The following RBFOX1 variants were observed in gnomAD, a reference collection of about 807,000 sequenced individuals.
RBFOX1 encodes the protein RNA binding protein fox-1 homolog 1.
RBFOX1 carries 8 observed loss-of-function variants against 57.7 expected under a neutral mutation model. The observed-to-expected ratio is 0.14, with a 90% CI of 0.08 to 0.25. The LOEUF is 0.25. Ranked by LOEUF, RBFOX1 falls within the 10% of genes least tolerant of loss-of-function variation. The probability of loss-of-function intolerance (pLI) is 1.00; values close to 1 mark genes in which losing one functional copy is unlikely to be tolerated. For synonymous variants in RBFOX1, 326 were observed against 222.4 expected (o/e 1.47, Z -4.15); for missense variants, 611 against 548.5 (o/e 1.11, Z -1.14).
chr16:5,296,770 C>G (rs1249590246), intron 1 of RBFOX1, among the ~76,000 whole-genome samples: 1 of 151,762 alleles, frequency 6.6e-6, no homozygotes, highest in Non-Finnish European at 1.5e-5. Flanking sequence ...CCTCTGCCTC[C>G]TGGGTTCAAG....
At chr16:6,342,465 A>C (rs2084711805) in intron 2 of RBFOX1, among the ~76,000 whole-genome samples, 1 of 152,182 alleles carries the variant, frequency 6.6e-6, no homozygotes, top group Admixed American at 6.5e-5. Flanking sequence ...CATGAATGGC[A>C]CATAACAGAA....
intron 1 of RBFOX1, among the ~76,000 whole-genome samples, chr16:6,116,753 G>A (rs1449675825): frequency 3.9e-5 from 6 of 152,118 alleles, no homozygotes; most frequent in East Asian, 1.9e-4. Context: ...AGCTGATAGG[G>A]GAGAAAACAG....
intron 2 of RBFOX1, among the ~76,000 whole-genome samples, chr16:6,566,734 C>G (rs1314032476): frequency 6.6e-6 from 1 of 152,140 alleles, no homozygotes; most frequent in African/African-American, 2.4e-5. Context: ...GCACTCTCAT[C>G]TATATGAGAA....
At chr16:7,058,199 G>A (rs147966649) in intron 4 of RBFOX1, among the ~76,000 whole-genome samples, 1 of 152,196 alleles carries the variant, frequency 6.6e-6, no homozygotes, top group African/African-American at 2.4e-5. Flanking sequence ...AACTCATTAA[G>A]AAAGGGGGAA....
At chr16:6,135,395 T>A (rs2096659162) in intron 1 of RBFOX1, among the ~76,000 whole-genome samples, 1 of 152,166 alleles carries the variant, frequency 6.6e-6, no homozygotes, top group Non-Finnish European at 1.5e-5. Context: ...CAGGTATTAT[T>A]ATTATTTACA....
At chr16:5,659,281 T>C (rs554259765) in intron 3 of RBFOX1, among the ~76,000 whole-genome samples, 32 of 152,074 alleles carry the variant, frequency 2.1e-4, no homozygotes, top group Non-Finnish European at 4.3e-4. Flanking sequence ...ATTTTTCTTA[T>C]GTTTGTTGGC....
At chr16:6,712,516 T>C (rs947206295) in intron 3 of RBFOX1, among the ~76,000 whole-genome samples, 1 of 152,164 alleles carries the variant, frequency 6.6e-6, no homozygotes, top group Non-Finnish European at 1.5e-5. Flanking sequence ...GATGGTATTA[T>C]CATCTTTCCA....
At chr16:6,058,724 CCCATCCACCAAT>C (rs2095646092) in intron 1 of RBFOX1, among the ~76,000 whole-genome samples, 1 of 136,186 alleles carries the variant, frequency 7.3e-6, no homozygotes, top group South Asian at 2.3e-4. Flanking sequence ...CATCCACCCA[CCCATCCACCAAT>C]CCATCCACCT....
intron 4 of RBFOX1, among the ~76,000 whole-genome samples, chr16:7,391,677 C>T (rs934395236): frequency 2.6e-5 from 4 of 152,178 alleles, no homozygotes; most frequent in African/African-American, 9.7e-5. Context: ...ATACTCTTCC[C>T]CCAAAAGACT....
chr16:7,199,334 T>C (rs2087670580), intron 4 of RBFOX1, among the ~76,000 whole-genome samples: 1 of 152,066 alleles, frequency 6.6e-6, no homozygotes, highest in Admixed American at 6.5e-5. Context: ...AGGGTTTTTT[T>C]TCTGTTTTAT....
chr16:6,440,226 G>A (rs375130887), intron 2 of RBFOX1, among the ~76,000 whole-genome samples: 4 of 152,004 alleles, frequency 2.6e-5, no homozygotes, highest in Admixed American at 1.3e-4. Flanking sequence ...TGAGCCTTAG[G>A]TGGCCATTTC....
chr16:6,442,720 A>G (rs749148322), intron 2 of RBFOX1, among the ~76,000 whole-genome samples: 1 of 152,094 alleles, frequency 6.6e-6, no homozygotes, highest in Non-Finnish European at 1.5e-5. Context: ...AATTCCCAAC[A>G]ATTGAGGCTG....
At chr16:7,365,865 A>G (rs2097433848) in intron 4 of RBFOX1, among the ~76,000 whole-genome samples, 1 of 152,218 alleles carries the variant, frequency 6.6e-6, no homozygotes, top group South Asian at 2.1e-4. Context: ...CAGGGAAAAT[A>G]TTAATACCCT....
Position 7,165,416 on chromosome 16 carries a change from A to T in RBFOX1, c.27+113318A>T, listed in dbSNP as rs1247075128. Among the ~76,000 whole-genome samples, 5 of 147,922 alleles carry T rather than the reference A, an allele frequency of 3.4e-5. No homozygotes were observed. In the East Asian group the frequency reaches 5.9e-4, roughly 18 times the overall value. On this transcript the variant is annotated intron_variant, in intron 4 of 15. Transcript: ENST00000550418. ...TAATAATAATAATAATAATGATAAT[A>T]ATCATTATTATTATTATTATTTTAC...
intron 4 of RBFOX1, among the ~76,000 whole-genome samples, chr16:7,166,309 C>T (rs557945324): frequency 8.5e-5 from 13 of 152,240 alleles, no homozygotes; most frequent in South Asian, 6.2e-4. Flanking sequence ...CCACCGCACC[C>T]GGCCGGAGTG....
intron 3 of RBFOX1, chr16:6,983,712 C>G (rs532042629): frequency 6.6e-6 from 1 of 152,350 alleles, no homozygotes. Context: ...CATCTCTAGG[C>G]TTGAAGGTCT....
chr16:5,791,581 T>G (rs2054698926), intron 3 of RBFOX1, among the ~76,000 whole-genome samples: 1 of 152,068 alleles, frequency 6.6e-6, no homozygotes, highest in Non-Finnish European at 1.5e-5. Context: ...TGGGTGACTC[T>G]CCAGGTTCCA....
chr16:6,375,126 C>T (rs917808275), intron 2 of RBFOX1, among the ~76,000 whole-genome samples: 1 of 152,068 alleles, frequency 6.6e-6, no homozygotes, highest in Non-Finnish European at 1.5e-5. Context: ...AAATCATTTC[C>T]TTAGGGGAGG....
chr16:7,115,596 C>G (rs1248076102), intron 4 of RBFOX1, among the ~76,000 whole-genome samples: 1 of 152,178 alleles, frequency 6.6e-6, no homozygotes, highest in African/African-American at 2.4e-5. Flanking sequence ...TTGCTGCCCA[C>G]AGATTTACCT....
Sources: allele counts gnomAD v4.1 joint callset (sites outside exome capture counted in the v4.1 genomes callset), GRCh38; gene constraint gnomAD v4.1.1; transcripts MANE v1.5; gene names NCBI Gene and HGNC (gene_info 2026-07-23, HGNC 2026-07-21).